Variants in TNS1 observed in about 807,000 individuals in gnomAD.
The protein encoded by TNS1 is tensin 1.
TNS1 carries 62 observed loss-of-function variants against 168.6 expected under a neutral mutation model. The observed-to-expected ratio is 0.37, with a 90% CI of 0.30 to 0.45. The LOEUF is 0.45. TNS1 is among the 20% of genes least tolerant of loss of function. TNS1 has a pLI of 1.00. For synonymous variants in TNS1, 934 were observed against 933.2 expected (o/e 1.00, Z -0.02); for missense variants, 2,240 against 2,339.4 (o/e 0.96, Z 0.88).
chr2:217,873,810 C>T (rs1306302563), intron 18 of TNS1, among the ~76,000 whole-genome samples: 5 of 152,156 alleles, frequency 3.3e-5, no homozygotes, highest in Non-Finnish European at 7.3e-5. Flanking sequence ...CATTCAATGC[C>T]TCCAGAATCT....
At chr2:217,955,661 C>G (rs180684186) in intron 3 of TNS1, among the ~76,000 whole-genome samples, 31 of 152,290 alleles carry the variant, frequency 2.0e-4, no homozygotes, top group Admixed American at 9.8e-4. Flanking sequence ...GCGGTCAACA[C>G]CTTATCTCAT....
chr2:217,818,249 A>G lies in TNS1; in HGVS notation c.4083T>C (p.Ser1361=), dbSNP rs546068750. ...TGGTGGCCACTTTGTTGTGGAGGCC[A>G]GAAACCTGGTAGACCCCTGCTGGGT... ...CRHPAGVYQV[S]GLHNKVATTP... Residue 1361 remains serine (S), a synonymous_variant, in exon 24 of 33, where the codon TCT becomes TCC. Transcript: ENST00000682258. 5 of 1,613,460 alleles carry G rather than the reference A, an allele frequency of 3.1e-6. No individual in the cohort carries two copies. In the South Asian group the frequency reaches 5.5e-5, roughly 18 times the overall value.
intron 3 of TNS1, among the ~76,000 whole-genome samples, chr2:217,935,261 G>C (rs1956545399): frequency 6.6e-6 from 1 of 152,250 alleles, no homozygotes; most frequent in Non-Finnish European, 1.5e-5. Flanking sequence ...TGGACTCCAG[G>C]CCACCTACTC....
At chr2:217,987,441 G>A (rs1385719182) in intron 2 of TNS1, among the ~76,000 whole-genome samples, 1 of 152,152 alleles carries the variant, frequency 6.6e-6, no homozygotes, top group Non-Finnish European at 1.5e-5. Context: ...CCAGACCCCA[G>A]GTTCCTTTCC....
chr2:217,910,207 T>A (rs1954206175), intron 4 of TNS1, among the ~76,000 whole-genome samples: 1 of 152,106 alleles, frequency 6.6e-6, no homozygotes, highest in Non-Finnish European at 1.5e-5. Flanking sequence ...CTGAGCACCA[T>A]CCCCTTTGCC....
chr2:217,928,527 G>A (rs1956153222), intron 3 of TNS1, among the ~76,000 whole-genome samples: 1 of 152,210 alleles, frequency 6.6e-6, no homozygotes, highest in Admixed American at 6.5e-5. Flanking sequence ...ACCAAGCCAG[G>A]GCACACACAC....
At chr2:217,825,971 C>A (rs1316750089) in intron 22 of TNS1, among the ~76,000 whole-genome samples, 1 of 152,142 alleles carries the variant, frequency 6.6e-6, no homozygotes, top group African/African-American at 2.4e-5. Context: ...TCCATTCTGA[C>A]CACAATGTTG....
chr2:217,917,538 T>C (rs1393993183), intron 4 of TNS1, among the ~76,000 whole-genome samples: 1 of 151,864 alleles, frequency 6.6e-6, no homozygotes, highest in Non-Finnish European at 1.5e-5. Flanking sequence ...TCAATAAAAA[T>C]TTGAGGTTCG....
At chr2:217,941,624 G>A (rs1262499962) in intron 3 of TNS1, among the ~76,000 whole-genome samples, 1 of 152,138 alleles carries the variant, frequency 6.6e-6, no homozygotes, top group East Asian at 1.9e-4. Context: ...AGAACTCCCC[G>A]ACTCCAAGTA....
At chr2:217,864,916 G>A (rs143079030) in intron 18 of TNS1, among the ~76,000 whole-genome samples, 1 of 152,274 alleles carries the variant, frequency 6.6e-6, no homozygotes, top group Non-Finnish European at 1.5e-5. Context: ...CAGAGTTGGG[G>A]TACGCAGTGG....
intron 1 of TNS1, among the ~76,000 whole-genome samples, chr2:218,028,073 C>T (rs1026927678): frequency 1.3e-5 from 2 of 152,242 alleles, no homozygotes; most frequent in African/African-American, 4.8e-5. Context: ...TTTCCAGCAT[C>T]CTGGTGACTG....
intron 3 of TNS1, among the ~76,000 whole-genome samples, chr2:217,963,768 G>T (rs1270604432): frequency 6.7e-6 from 1 of 149,124 alleles, no homozygotes; most frequent in Non-Finnish European, 1.5e-5. Context: ...AAAAGGCCAG[G>T]CTCAGTGACT....
rs1407382635 is a variant in TNS1, at chr2:217,832,448, GAGA to G, written c.3281-904_3281-902del. 2.0e-5 allele frequency among the ~76,000 whole-genome samples: 3 copies of G among 152,328 alleles called. No individual in the cohort carries two copies. In the East Asian group the frequency reaches 5.8e-4, roughly 29 times the overall value. ...CTGCCATGTCTCCTGACACAGCTCT[GAGA>G]AGAAGTTAAAAAATGAACTCTGTGT... is the stretch of plus-strand genomic sequence containing the variant. On this transcript the variant is annotated intron_variant, in intron 21 of 32. Coordinates refer to ENST00000682258, the MANE Select transcript of TNS1 (RefSeq NM_001387777.1).
At chr2:217,908,977 C>T (rs889560138) in intron 4 of TNS1, among the ~76,000 whole-genome samples, 2 of 152,090 alleles carry the variant, frequency 1.3e-5, no homozygotes, top group African/African-American at 4.8e-5. Flanking sequence ...ACCCACTAAT[C>T]CCCTAACCCA....
At chr2:217,968,479 A>G (rs994196458) in intron 3 of TNS1, among the ~76,000 whole-genome samples, 5 of 152,212 alleles carry the variant, frequency 3.3e-5, no homozygotes, top group African/African-American at 1.2e-4. Context: ...ATATTTTCAT[A>G]TACTGACAAT....
chr2:217,868,405 TCA>T (rs148482704), intron 18 of TNS1, among the ~76,000 whole-genome samples: 2,317 of 152,240 alleles, frequency 0.015, 52 homozygotes, highest in African/African-American at 0.052. Flanking sequence ...GGGAAAAGAT[TCA>T]CAGACACCTA....
intron 3 of TNS1, among the ~76,000 whole-genome samples, chr2:217,954,079 G>A (rs994847410): frequency 6.6e-6 from 1 of 152,222 alleles, no homozygotes; most frequent in Non-Finnish European, 1.5e-5. Context: ...TGCAGAAGCT[G>A]GCTTGGGCTA....
At chr2:218,020,451 T>A (rs912172130) in intron 1 of TNS1, among the ~76,000 whole-genome samples, 1 of 149,876 alleles carries the variant, frequency 6.7e-6, no homozygotes, top group African/African-American at 2.5e-5. Context: ...AGCCGGGGAG[T>A]GACAGGCAAA....
chr2:218,016,710 C>T (rs116004877), intron 1 of TNS1, among the ~76,000 whole-genome samples: 3,228 of 152,246 alleles, frequency 0.021, 93 homozygotes, highest in African/African-American at 0.068. Flanking sequence ...GGAATGGACC[C>T]CCCCAGAAAG....
Sources: allele counts gnomAD v4.1 joint callset (sites outside exome capture counted in the v4.1 genomes callset), GRCh38; gene constraint gnomAD v4.1.1; transcripts MANE v1.5; gene names NCBI Gene and HGNC (gene_info 2026-07-23, HGNC 2026-07-21).